GRIP1: variants seen among roughly 807,000 people sequenced by gnomAD.
GRIP1 encodes glutamate receptor interacting protein 1.
In GRIP1, 45 loss-of-function variants were observed where a neutral mutation model predicts 129.9. The ratio of observed to expected loss-of-function variants is 0.35; its 90% confidence interval spans 0.27 to 0.44. GRIP1 has a LOEUF of 0.44. GRIP1 is among the 20% of genes least tolerant of loss of function. The pLI is 1.00. For missense variants in GRIP1, 1,196 were observed against 1,396.8 expected (o/e 0.86, Z 2.29); for synonymous variants, 530 against 520.8 (o/e 1.02, Z -0.24).
intron 7 of GRIP1, among the ~76,000 whole-genome samples, chr12:66,483,446 GAC>G (rs1363385619): frequency 6.6e-6 from 1 of 152,150 alleles, no homozygotes; most frequent in Non-Finnish European, 1.5e-5. Context: ...AGTTAAAGGA[GAC>G]ACAGCATGAA....
At chr12:67,053,238 T>A (rs946950398) in intron 1 of GRIP1, among the ~76,000 whole-genome samples, 2 of 152,168 alleles carry the variant, frequency 1.3e-5, no homozygotes, top group African/African-American at 4.8e-5. Flanking sequence ...AGTCATAAAA[T>A]TGTTATTCTG....
intron 1 of GRIP1, among the ~76,000 whole-genome samples, chr12:66,785,600 G>C (rs80160556): frequency 0.038 from 5,768 of 151,856 alleles, 146 homozygotes; most frequent in African/African-American, 0.068. Flanking sequence ...TATTTAAGTA[G>C]AATATACTTA....
At chr12:66,473,211 G>A (rs914979055) in intron 7 of GRIP1, among the ~76,000 whole-genome samples, 2 of 152,194 alleles carry the variant, frequency 1.3e-5, no homozygotes, top group Admixed American at 1.3e-4. Flanking sequence ...AAGCCACTGG[G>A]AGGTTTGAAC....
intron 1 of GRIP1, among the ~76,000 whole-genome samples, chr12:66,970,150 C>T (rs1180173917): frequency 1.3e-5 from 2 of 152,114 alleles, no homozygotes; most frequent in African/African-American, 4.8e-5. Context: ...GATGTGATCA[C>T]AGCTTACTGC....
At chr12:66,988,778 T>C (rs1024770993) in intron 1 of GRIP1, among the ~76,000 whole-genome samples, 1 of 152,170 alleles carries the variant, frequency 6.6e-6, no homozygotes, top group African/African-American at 2.4e-5. Context: ...GGTTTTTTCA[T>C]TTATCCAGTT....
intron 1 of GRIP1, among the ~76,000 whole-genome samples, chr12:66,608,446 C>T (rs992602618): frequency 2.6e-5 from 4 of 151,844 alleles, no homozygotes; most frequent in Admixed American, 6.6e-5. Flanking sequence ...GATTCTGCTG[C>T]CTCAGCCTAC....
At chr12:66,553,214 T>A (rs531589917) in intron 2 of GRIP1, among the ~76,000 whole-genome samples, 16 of 152,284 alleles carry the variant, frequency 1.1e-4, no homozygotes, top group African/African-American at 3.9e-4. Context: ...ATGCCATCCA[T>A]CCTTTTTATT....
At chr12:66,703,875 T>C (rs1299044314) in intron 1 of GRIP1, among the ~76,000 whole-genome samples, 1 of 151,974 alleles carries the variant, frequency 6.6e-6, no homozygotes, top group Non-Finnish European at 1.5e-5. Context: ...AATGAGGAGT[T>C]AGTATTGATG....
chr12:66,825,396 C>T (rs922545317), intron 1 of GRIP1, among the ~76,000 whole-genome samples: 5 of 152,110 alleles, frequency 3.3e-5, no homozygotes, highest in Non-Finnish European at 5.9e-5. Flanking sequence ...CATATTATTT[C>T]GTACAAAGGG....
Position 66,462,986 on chromosome 12 carries a change from T to C in GRIP1, c.980A>G (p.Gln327Arg). Residue 327 changes from glutamine (Q) to arginine (R), a missense_variant, in exon 9 of 25, where the codon CAG becomes CGG. Coordinates refer to ENST00000359742, the MANE Select transcript of GRIP1 (RefSeq NM_001366722.1). Reference protein sequence around the residue: ...ATQFLANTTDQVKLEILPHHQ... With the variant: ...ATQFLANTTDRVKLEILPHHQ... ...ATGGGGAAGGATCTCAAGCTTGACC[T>C]GGTCAGTGGTGTTGGCCAGGAACTG... 2 of 1,614,032 alleles carry C rather than the reference T, an allele frequency of 1.2e-6. No individual in the cohort carries two copies. Among genetic ancestry groups the C allele is most frequent in the South Asian group, 1.1e-5 (1 of 91,066 alleles).
chr12:67,030,764 A>G (rs1236313177), intron 1 of GRIP1, among the ~76,000 whole-genome samples: 1 of 152,166 alleles, frequency 6.6e-6, no homozygotes, highest in Non-Finnish European at 1.5e-5. Context: ...TACCAAAAAC[A>G]TTCTCTTTAG....
chr12:66,529,519 A>C (rs926992130), intron 5 of GRIP1, among the ~76,000 whole-genome samples: 1 of 152,250 alleles, frequency 6.6e-6, no homozygotes, highest in Non-Finnish European at 1.5e-5. Flanking sequence ...CATTATTTTA[A>C]GTGAAGTAAC....
intron 7 of GRIP1, among the ~76,000 whole-genome samples, chr12:66,486,884 G>A (rs1240127039): frequency 6.6e-6 from 1 of 151,862 alleles, no homozygotes; most frequent in Non-Finnish European, 1.5e-5. Flanking sequence ...TCGAACTCCT[G>A]GGCTCAAGTG....
intron 1 of GRIP1, among the ~76,000 whole-genome samples, chr12:66,731,957 G>A (rs1239549645): frequency 1.3e-5 from 2 of 152,090 alleles, no homozygotes; most frequent in African/African-American, 4.8e-5. Context: ...AGAAACTTGT[G>A]TTAATTCAAA....
Position 66,425,836 on chromosome 12 carries a change from G to C in GRIP1, c.1769-5047C>G, listed in dbSNP as rs546663789. 2.2e-4 allele frequency among the ~76,000 whole-genome samples: 34 copies of C among 152,194 alleles called. No homozygotes were observed. The South Asian group carries it at 3.7e-3, about 17-fold the overall frequency. On this transcript the variant is annotated intron_variant, in intron 14 of 24. Transcript: ENST00000359742. The stretch of plus-strand genomic sequence containing the variant: ...GGGGACAGTTGTGGGGTGGGGGAAG[G>C]GGGGAGGGATAGCATTAGGAGATAT...
chr12:66,566,744 G>A (rs895794555), intron 2 of GRIP1, among the ~76,000 whole-genome samples: 10 of 150,852 alleles, frequency 6.6e-5, no homozygotes, highest in African/African-American at 1.5e-4. Context: ...CTGTGAATCC[G>A]TCTTCCAAAA....
chr12:66,425,583 C>A (rs1305411496), intron 14 of GRIP1, among the ~76,000 whole-genome samples: 1 of 152,110 alleles, frequency 6.6e-6, no homozygotes, highest in Non-Finnish European at 1.5e-5. Context: ...AAATGTCCAA[C>A]AAAGATAGAC....
chr12:66,449,778 G>C (rs1443035956), intron 11 of GRIP1, among the ~76,000 whole-genome samples: 2 of 152,162 alleles, frequency 1.3e-5, no homozygotes, highest in Admixed American at 6.5e-5. Context: ...CAGAAGATGA[G>C]AGTATCATGT....
At chr12:66,614,475 T>G (rs968459926) in intron 1 of GRIP1, among the ~76,000 whole-genome samples, 2 of 152,098 alleles carry the variant, frequency 1.3e-5, no homozygotes, top group Admixed American at 1.3e-4. Flanking sequence ...TTCTGTATGC[T>G]CTTCCTTAGA....
Sources: allele counts gnomAD v4.1 joint callset (sites outside exome capture counted in the v4.1 genomes callset), GRCh38; gene constraint gnomAD v4.1.1; transcripts MANE v1.5; gene names NCBI Gene and HGNC (gene_info 2026-07-23, HGNC 2026-07-21).